Variants in TBL1X observed in about 807,000 individuals in gnomAD.
The protein encoded by TBL1X is transducin beta like 1 X-linked, also known as F-box-like/WD repeat-containing protein TBL1X.
Under a neutral mutation model 50.7 loss-of-function variants are expected in TBL1X, and 10 were observed. The ratio of observed to expected loss-of-function variants is 0.20; its 90% CI spans 0.12 to 0.33. The LOEUF is 0.33. Among genes scored for constraint, TBL1X ranks in the 10% least tolerant of loss-of-function variants. The pLI is 1.00. For missense variants in TBL1X, 340 were observed against 504.4 expected (o/e 0.67, Z 3.12); for synonymous variants, 190 against 214.7 (o/e 0.88, Z 1.01).
chrX:9,550,387 A>C (rs2082264992), intron 2 of TBL1X, among the ~76,000 whole-genome samples: 1 of 112,386 alleles, frequency 8.9e-6, no homozygotes, highest in Non-Finnish European at 1.9e-5. Context: ...TACGTAACCT[A>C]CAAAAATCTC....
intron 2 of TBL1X, among the ~76,000 whole-genome samples, chrX:9,518,587 A>G (rs972768679): frequency 8.9e-6 from 1 of 111,754 alleles, no homozygotes; most frequent in South Asian, 3.8e-4. Context: ...TTTGTCCTAT[A>G]ACAGCTGCGA....
intron 1 of TBL1X, among the ~76,000 whole-genome samples, chrX:9,494,870 T>TA (rs1463287421): frequency 8.9e-6 from 1 of 112,268 alleles, no homozygotes; most frequent in Non-Finnish European, 1.9e-5. Context: ...CATCAGGTCT[T>TA]AGAGGAGTTG....
chrX:9,509,853 A>C (rs748370729), intron 2 of TBL1X, among the ~76,000 whole-genome samples: 1 of 110,623 alleles, frequency 9.0e-6, no homozygotes, highest in Non-Finnish European at 1.9e-5. Context: ...GAGTTATCAG[A>C]GATGGCCCTG....
At chrX:9,559,859 A>G (rs2082316752) in intron 2 of TBL1X, among the ~76,000 whole-genome samples, 1 of 62,573 alleles carries the variant, frequency 1.6e-5, no homozygotes, top group Non-Finnish European at 3.3e-5. Flanking sequence ...CTGCAGAAAG[A>G]ATGGATCAGT....
chrX:9,683,963 C>T, intron 5 of TBL1X, 80 bp from the exon 6 acceptor site: 1 of 1,186,910 alleles, frequency 8.4e-7, no homozygotes, highest in Non-Finnish European at 1.1e-6. Flanking sequence ...AGTCTGCGGG[C>T]CACCTTCAGA....
At chrX:9,700,247 G>A (rs1261038364) in intron 12 of TBL1X, among the ~76,000 whole-genome samples, 2 of 112,401 alleles carry the variant, frequency 1.8e-5, no homozygotes, top group Non-Finnish European at 3.8e-5. Flanking sequence ...CGCAGACCCC[G>A]GGGGGTGAGG....
intron 1 of TBL1X, among the ~76,000 whole-genome samples, chrX:9,498,012 A>G (rs776959229): frequency 9.2e-6 from 1 of 108,292 alleles, no homozygotes; most frequent in East Asian, 2.9e-4. Flanking sequence ...GATTACAAGC[A>G]TGCATGAGCC....
rs1334629552 is a variant in TBL1X at position 9,501,794 on chromosome X, G to A, written c.-186G>A. 9.0e-6 allele frequency: 1 copy of A among 111,521 alleles called. No homozygotes were observed. The highest frequency in any genetic ancestry group is 1.9e-5 in the Non-Finnish European group (1 of 53,038). 9.2% of individuals were successfully genotyped at this position (111,521 alleles called of 1,213,427 possible). A position where few individuals can be genotyped will look rare whatever the true frequency, so the allele number is the denominator to read the frequency against. ...GTTTCTTCCAGATTTCCGTGAGGGTGGAAGAAAATCATACCATATCAGATG... is the reference window on the plus strand; with the variant it reads ...GTTTCTTCCAGATTTCCGTGAGGGTAGAAGAAAATCATACCATATCAGATG... On this transcript the variant is annotated 5_prime_UTR_variant, in exon 2 of 18. Coordinates refer to ENST00000645353, the MANE Select transcript of TBL1X (RefSeq NM_005647.4).
At chrX:9,671,534 T>C (rs1404839004) in intron 5 of TBL1X, among the ~76,000 whole-genome samples, 1 of 113,403 alleles carries the variant, frequency 8.8e-6, no homozygotes, top group Non-Finnish European at 1.9e-5. Context: ...TTTATGCATT[T>C]GTTAGATGTC....
At chrX:9,543,913 C>T (rs1428519297) in intron 2 of TBL1X, among the ~76,000 whole-genome samples, 1 of 111,433 alleles carries the variant, frequency 9.0e-6, no homozygotes, top group Non-Finnish European at 1.9e-5. Context: ...AGAACATTCT[C>T]TGCAGATGTC....
rs138597617 is a variant in TBL1X at position 9,653,599 on chromosome X, G to T, written c.13G>T (p.Ala5Ser). 1,219 of 1,168,648 alleles carry T rather than the reference G, an allele frequency of 1.0e-3. 8 individuals carry two copies. The African/African-American group carries it at 0.018, about 18-fold the overall frequency. Residue 5 changes from alanine (A) to serine (S), a missense_variant, in exon 4 of 18, where the codon GCT becomes TCT. Ala to Ser is a moderately conservative substitution (Grantham distance 99, BLOSUM62 1). Around this residue, in one of 6 missense-constraint regions of TBL1X, gnomAD observed 41 missense variants for 48.6 expected, o/e 0.84. Coordinates refer to ENST00000645353, the MANE Select transcript of TBL1X (RefSeq NM_005647.4). MTEL[A>S]GASSSCCHRP... Reference sequence around the variant, plus strand: ...GGTGACATGTAGCATGACCGAGCTCGCTGGCGCCTCTTCATCGTGCTGCCA... The same window carrying T: ...GGTGACATGTAGCATGACCGAGCTCTCTGGCGCCTCTTCATCGTGCTGCCA...
At chrX:9,562,837 C>T (rs1033107325) in intron 2 of TBL1X, among the ~76,000 whole-genome samples, 8 of 111,598 alleles carry the variant, frequency 7.2e-5, no homozygotes, top group African/African-American at 2.6e-4. Flanking sequence ...TATTACATGC[C>T]CACTGTATTC....
rs56756151 is a variant in TBL1X at position 9,665,489 on chromosome X, C to CTATATATATA, written c.211+11208_211+11217dup. Among the ~76,000 whole-genome samples the CTATATATATA allele has an allele frequency of 6.5e-3, 128 of 19,784 alleles. 2 individuals are homozygous for CTATATATATA. Among genetic ancestry groups the CTATATATATA allele is most frequent in the Non-Finnish European group, 7.7e-3 (93 of 12,070 alleles). 17.2% of individuals were successfully genotyped at this position (19,784 alleles called of 115,157 possible). ...ACTTAATTAAAAACTGATATTCAAG[C>CTATATATATA]TATATATATATATATATATATATAT... On this transcript the variant is annotated intron_variant, in intron 5 of 17. Coordinates refer to ENST00000645353, the MANE Select transcript of TBL1X (RefSeq NM_005647.4).
chrX:9,707,919 C>T (rs1054958161), intron 13 of TBL1X, among the ~76,000 whole-genome samples: 6 of 112,614 alleles, frequency 5.3e-5, no homozygotes, highest in Middle Eastern at 4.6e-3. Flanking sequence ...CAGTTCACAC[C>T]CTTCAAAACT....
chrX:9,537,532 T>C (rs1394771052), intron 2 of TBL1X, among the ~76,000 whole-genome samples: 1 of 111,994 alleles, frequency 8.9e-6, no homozygotes, highest in Non-Finnish European at 1.9e-5. Flanking sequence ...TTTCTCTCTC[T>C]ATGATTTTGA....
intron 2 of TBL1X, among the ~76,000 whole-genome samples, chrX:9,556,201 A>G (rs893635407): frequency 2.7e-5 from 1 of 37,481 alleles, no homozygotes; most frequent in Non-Finnish European, 5.8e-5. Context: ...AAAAAAAAAC[A>G]AAACAAAACA....
Position 9,583,410 on chromosome X carries a change from G to A in TBL1X, c.-130-56863G>A, listed in dbSNP as rs1329243399. Among the ~76,000 whole-genome samples, 4 of 112,428 alleles carry A rather than the reference G, an allele frequency of 3.6e-5. No homozygotes were observed. The South Asian group carries it at 1.5e-3, about 41-fold the overall frequency. On this transcript the variant is annotated intron_variant, in intron 2 of 17. Transcript: ENST00000645353. ...TATAAGGTCATATTCACAGAGTCCA[G>A]GGATCAGGTTGTGTACTTAATCCTG...
chrX:9,521,147 A>G (rs1201313062), intron 2 of TBL1X, among the ~76,000 whole-genome samples: 1 of 110,154 alleles, frequency 9.1e-6, no homozygotes, highest in Non-Finnish European at 1.9e-5. Flanking sequence ...GAATGGGGGG[A>G]GGGGACGTAT....
chrX:9,465,798 C>G (rs1447741088), intron 1 of TBL1X, among the ~76,000 whole-genome samples: 2 of 113,032 alleles, frequency 1.8e-5, no homozygotes, highest in Admixed American at 1.8e-4. Context: ...GCCCCTTTGT[C>G]TGCCGATTCA....
Sources: allele counts gnomAD v4.1 joint callset (sites outside exome capture counted in the v4.1 genomes callset), GRCh38; gene constraint gnomAD v4.1.1; regional missense constraint gnomAD v4.1.1; transcripts MANE v1.5; gene names NCBI Gene and HGNC (gene_info 2026-07-23, HGNC 2026-07-21).